Variants in CRISP1 observed in about 807,000 individuals in gnomAD.
The protein encoded by CRISP1 is cysteine rich secretory protein 1.
In CRISP1, 44 loss-of-function variants were observed where a neutral mutation model predicts 33.1. The ratio of observed to expected loss-of-function variants is 1.33; its 90% confidence interval spans 1.05 to 1.71. The LOEUF (loss-of-function observed/expected upper bound fraction) is 1.71. Ranked by LOEUF, CRISP1 falls within the 40% of genes most tolerant of loss-of-function variation. The probability of loss-of-function intolerance (pLI) is 0.00; values close to 1 mark genes in which losing one functional copy is unlikely to be tolerated. For missense variants in CRISP1, 390 were observed against 301.2 expected (o/e 1.29, Z -2.18); for synonymous variants, 103 against 98.7 (o/e 1.04, Z -0.26).
rs531427469 is a variant in CRISP1, at chr6:49,835,039, G to C, written c.*277C>G. On this transcript the variant is annotated 3_prime_UTR_variant, in exon 8 of 8. Transcript: ENST00000335847. Reference sequence around the variant, plus strand: ...ATTTTAGCCCAGGTTACTGTTGAGGGACCCAGTTATACCATAAGTTGAATT... The same window carrying C: ...ATTTTAGCCCAGGTTACTGTTGAGGCACCCAGTTATACCATAAGTTGAATT... 2 of 262,650 alleles carry C rather than the reference G, an allele frequency of 7.6e-6. No individual in the cohort carries two copies. Among genetic ancestry groups the C allele is most frequent in the Non-Finnish European group, 1.4e-5 (2 of 139,572 alleles). The allele number at this position is 262,650 out of a possible 1,614,324, so 16.3% of individuals were successfully genotyped here.
chr6:49,872,013 C>G (rs1419926997), intron 1 of CRISP1, among the ~76,000 whole-genome samples: 1 of 152,068 alleles, frequency 6.6e-6, no homozygotes, highest in Non-Finnish European at 1.5e-5. Flanking sequence ...TACAGTCCCA[C>G]CAACAGTGTA....
chr6:49,859,773 C>T (rs1771597467), intron 1 of CRISP1, among the ~76,000 whole-genome samples: 1 of 151,984 alleles, frequency 6.6e-6, no homozygotes, highest in African/African-American at 2.4e-5. Context: ...TCAATAATAA[C>T]ATTGAATGTA....
intron 2 of CRISP1, among the ~76,000 whole-genome samples, chr6:49,853,704 C>T (rs565494831): frequency 6.6e-6 from 1 of 152,272 alleles, no homozygotes; most frequent in East Asian, 1.9e-4. Context: ...ATTTTCTCTA[C>T]TAGCCCTCTC....
intron 2 of CRISP1, among the ~76,000 whole-genome samples, chr6:49,856,633 C>T (rs12207300): frequency 0.097 from 14,747 of 152,032 alleles, 1,000 homozygotes; most frequent in Non-Finnish European, 0.15. Context: ...ACCTGGCCTA[C>T]GAAAATATAA....
intron 5 of CRISP1, among the ~76,000 whole-genome samples, chr6:49,844,624 G>A (rs992596023): frequency 2.6e-5 from 4 of 152,166 alleles, no homozygotes; most frequent in Non-Finnish European, 5.9e-5. Context: ...GGAAAAGGCT[G>A]CCCACAGAGC....
chr6:49,856,175 T>C (rs917194402), intron 2 of CRISP1, among the ~76,000 whole-genome samples: 1 of 152,162 alleles, frequency 6.6e-6, no homozygotes, highest in Non-Finnish European at 1.5e-5. Context: ...TAACTAGTGA[T>C]ACTAATTTCT....
Position 49,835,430 on chromosome 6 carries a change from G to A in CRISP1, c.636C>T (p.Ile212=), listed in dbSNP as rs200462672. 2 of 1,613,390 alleles carry A rather than the reference G, an allele frequency of 1.2e-6. No individual in the cohort carries two copies. The highest frequency in any genetic ancestry group is 1.3e-5 in the African/African-American group (1 of 75,022). ...CEDKLCTNPC[I]YYDEYFDCDI... ...CACAGTCGAAGTATTCATCATAGTA[G>A]ATGCAGGGGTTAGCTGAAAGAAAAT... Residue 212 remains isoleucine (I), a synonymous_variant, in exon 8 of 8, where the codon ATC becomes ATT. Transcript: ENST00000335847.
chr6:49,870,613 C>A (rs539163297), upstream of CRISP1, among the ~76,000 whole-genome samples: 1 of 152,288 alleles, frequency 6.6e-6, no homozygotes, highest in Non-Finnish European at 1.5e-5. Context: ...TTAATACAGA[C>A]AATTATGCAA....
chr6:49,862,968 A>G (rs1358242852), intron 1 of CRISP1, among the ~76,000 whole-genome samples: 1 of 152,162 alleles, frequency 6.6e-6, no homozygotes, highest in Non-Finnish European at 1.5e-5. Flanking sequence ...GATTGAATAC[A>G]GGAAATTATG....
chr6:49,871,832 C>T (rs1771931362), intron 1 of CRISP1, among the ~76,000 whole-genome samples: 1 of 152,052 alleles, frequency 6.6e-6, no homozygotes, highest in Non-Finnish European at 1.5e-5. Flanking sequence ...CAAGTCTTTG[C>T]TATTGTGAAT....
intron 4 of CRISP1, among the ~76,000 whole-genome samples, chr6:49,847,647 T>A (rs1382690156): frequency 6.6e-6 from 1 of 152,104 alleles, no homozygotes; most frequent in Non-Finnish European, 1.5e-5. Flanking sequence ...AAGGCTCAGG[T>A]ATTTCTTTAC....
chr6:49,843,358 A>T (rs961393158), intron 5 of CRISP1, among the ~76,000 whole-genome samples: 1 of 152,172 alleles, frequency 6.6e-6, no homozygotes, highest in Non-Finnish European at 1.5e-5. Context: ...TTCTGTGATT[A>T]TGCCTCTTTT....
At chr6:49,847,170 C>CTAAG (rs1771203452) in intron 4 of CRISP1, among the ~76,000 whole-genome samples, 2 of 152,068 alleles carry the variant, frequency 1.3e-5, no homozygotes, top group African/African-American at 4.8e-5. Flanking sequence ...AAGCATTGGA[C>CTAAG]TAAGATTCCA....
chr6:49,860,266 C>T (rs10948532), intron 1 of CRISP1, among the ~76,000 whole-genome samples: 3 of 151,864 alleles, frequency 2.0e-5, no homozygotes, highest in Admixed American at 6.6e-5. Context: ...TTAAACCAAA[C>T]GAACCTAACA....
chr6:49,842,051 T>G (rs1006665187), intron 5 of CRISP1, among the ~76,000 whole-genome samples: 1 of 152,204 alleles, frequency 6.6e-6, no homozygotes, highest in Non-Finnish European at 1.5e-5. Context: ...TTAGAGAACA[T>G]GTTTGTATGA....
chr6:49,841,535 G>A (rs981835632), intron 5 of CRISP1, among the ~76,000 whole-genome samples: 1 of 152,104 alleles, frequency 6.6e-6, no homozygotes, highest in Admixed American at 6.6e-5. Context: ...AAAACTCTGT[G>A]TCAATTCTCC....
intron 4 of CRISP1, 139 bp from the exon 5 acceptor site, chr6:49,846,807 A>G (rs1771189233): frequency 1.3e-6 from 1 of 796,098 alleles, no homozygotes; most frequent in Middle Eastern, 3.8e-4. Context: ...AATAAGTTGT[A>G]TCCCCACTGA....
intron 5 of CRISP1, 21 bp downstream of exon 5, chr6:49,846,499 G>A (rs770224791): frequency 2.5e-6 from 4 of 1,607,804 alleles, no homozygotes; most frequent in Non-Finnish European, 3.4e-6. Context: ...CAATGTGTGT[G>A]TTTGCCAGCA....
At chr6:49,842,367 A>G (rs953078888) in intron 5 of CRISP1, among the ~76,000 whole-genome samples, 14 of 152,158 alleles carry the variant, frequency 9.2e-5, no homozygotes, top group African/African-American at 2.4e-4. Flanking sequence ...TTCTCTCTCT[A>G]TATTAATTGG....
Sources: gnomAD v4.1 joint callset for allele counts (sites outside exome capture counted in the v4.1 genomes callset) on GRCh38, gnomAD v4.1.1 for gene constraint, MANE v1.5 for transcripts, NCBI Gene and HGNC (gene_info 2026-07-23, HGNC 2026-07-21) for gene names.